PATJ: variants seen among roughly 807,000 people sequenced by gnomAD.
The protein encoded by PATJ is PATJ crumbs cell polarity complex component, also known as inaD-like protein.
In PATJ, 190 loss-of-function variants were observed where a neutral mutation model predicts 224.9. That is an observed-to-expected ratio of 0.84 (90% CI 0.75 to 0.95). PATJ has a LOEUF of 0.95. Among genes scored for constraint, PATJ ranks in the 40% least tolerant of loss-of-function variants. The pLI, the probability that PATJ is intolerant of heterozygous loss-of-function variation, is 0.00. For synonymous variants in PATJ, 769 were observed against 820.3 expected (o/e 0.94, Z 1.07); for missense variants, 2,121 against 2,270.3 (o/e 0.93, Z 1.34).
rs369798537 is a variant in PATJ, at chr1:62,117,199, C to T, written c.4871C>T (p.Thr1624Met). ...LRAGSWTSAR[T>M]TSQNSQGSQQ... Reference sequence around the variant, plus strand: ...GCTGGTTCCTGGACCTCCGCAAGGACGACATCACAGAACAGTCAGGTTGTC... The same window carrying T: ...GCTGGTTCCTGGACCTCCGCAAGGATGACATCACAGAACAGTCAGGTTGTC... Residue 1624 changes from threonine to methionine, a missense_variant, in exon 37 of 44, where the codon ACG becomes ATG. Physicochemically the swap from Thr to Met is moderately conservative, Grantham distance 81. Transcript: ENST00000642238. The T allele has an allele frequency of 4.5e-5, 73 of 1,613,960 alleles. No individual in the cohort carries two copies. The highest frequency in any genetic ancestry group is 5.3e-5 in the Non-Finnish European group (63 of 1,179,988).
intron 41 of PATJ, among the ~76,000 whole-genome samples, chr1:62,141,372 G>A (rs1415763996): frequency 2.6e-5 from 4 of 152,166 alleles, no homozygotes; most frequent in African/African-American, 9.6e-5. Context: ...GCACCACCAC[G>A]GCTGAATGTA....
chr1:61,946,576 T>C (rs905555086), intron 27 of PATJ, among the ~76,000 whole-genome samples: 52 of 152,104 alleles, frequency 3.4e-4, no homozygotes, highest in African/African-American at 1.2e-3. Context: ...CAATAATTAA[T>C]AGCCTACCAA....
At chr1:61,832,587 T>C (rs546219201) in intron 16 of PATJ, among the ~76,000 whole-genome samples, 2 of 152,270 alleles carry the variant, frequency 1.3e-5, no homozygotes, top group African/African-American at 4.8e-5. Flanking sequence ...CACTCAAAGA[T>C]AGGTAATTTT....
intron 27 of PATJ, among the ~76,000 whole-genome samples, chr1:61,983,207 A>G (rs1364130266): frequency 6.6e-6 from 1 of 152,068 alleles, no homozygotes; most frequent in African/African-American, 2.4e-5. Flanking sequence ...CCATCTAACT[A>G]TGAGTCTAAA....
intron 28 of PATJ, among the ~76,000 whole-genome samples, chr1:61,999,280 C>T (rs921291125): frequency 6.6e-6 from 1 of 152,092 alleles, no homozygotes; most frequent in Non-Finnish European, 1.5e-5. Flanking sequence ...CCTTCCTGTC[C>T]TATGGATATT....
chr1:61,972,389 A>G (rs1683105046), intron 27 of PATJ, among the ~76,000 whole-genome samples: 1 of 152,016 alleles, frequency 6.6e-6, no homozygotes, highest in Non-Finnish European at 1.5e-5. Flanking sequence ...TAAACAATTT[A>G]TAATATTGCT....
At position 61,914,636 on chromosome 1, in the gene PATJ, A is replaced by G; in HGVS notation, c.3542A>G (p.Asn1181Ser). Residue 1181 changes from asparagine (N) to serine (S), a missense_variant, in exon 26 of 44, where the codon AAC becomes AGC. Asn to Ser is a conservative substitution (Grantham distance 46, BLOSUM62 1). Coordinates refer to ENST00000642238, the MANE Select transcript of PATJ (RefSeq NM_001350145.3). ...NKANKITGNQ[N>S]QDTQEKKEKR... Reference sequence around the variant, plus strand: ...GCCAACAAAATCACCGGTAACCAGAACCAGGACACCCAAGAAAAGAAAGAA... The same window carrying G: ...GCCAACAAAATCACCGGTAACCAGAGCCAGGACACCCAAGAAAAGAAAGAA... 1 of 1,578,808 alleles carries G rather than the reference A, an allele frequency of 6.3e-7. No individual in the cohort carries two copies. The highest frequency in any genetic ancestry group is 8.7e-7 in the Non-Finnish European group (1 of 1,148,512).
chr1:61,911,512 ATCT>A (rs971801230), intron 25 of PATJ, among the ~76,000 whole-genome samples: 1 of 151,888 alleles, frequency 6.6e-6, no homozygotes, highest in Non-Finnish European at 1.5e-5. Flanking sequence ...CACCTTTTAA[ATCT>A]TCTTACCCTG....
intron 15 of PATJ, 133 bp downstream of exon 15, chr1:61,823,212 C>T (rs552369331): frequency 5.1e-5 from 42 of 815,992 alleles, no homozygotes; most frequent in African/African-American, 2.8e-4. Flanking sequence ...TTGAAAAAAC[C>T]GAACAGCTTA....
intron 33 of PATJ, among the ~76,000 whole-genome samples, chr1:62,101,359 G>A (rs367624398): frequency 6.6e-6 from 1 of 150,476 alleles, no homozygotes; most frequent in East Asian, 2.0e-4. Flanking sequence ...TGCCTCCCAG[G>A]TTCAAGTGAT....
At chr1:62,095,101 G>A (rs1053098227) in intron 33 of PATJ, among the ~76,000 whole-genome samples, 1 of 152,104 alleles carries the variant, frequency 6.6e-6, no homozygotes, top group African/African-American at 2.4e-5. Context: ...AACAACATCA[G>A]CTCGGCAAAC....
At chr1:61,823,965 T>C (rs1657751911) in intron 15 of PATJ, among the ~76,000 whole-genome samples, 1 of 152,158 alleles carries the variant, frequency 6.6e-6, no homozygotes, top group Non-Finnish European at 1.5e-5. Context: ...TGTTTTAAGA[T>C]GTAGTAAGTT....
chr1:62,138,064 C>T (rs1667137648), intron 41 of PATJ, among the ~76,000 whole-genome samples: 1 of 152,158 alleles, frequency 6.6e-6, no homozygotes, highest in African/African-American at 2.4e-5. Flanking sequence ...TCTCCTCCAC[C>T]TCAGGTCGGC....
At chr1:61,874,745 C>T (rs1667126617) in intron 20 of PATJ, among the ~76,000 whole-genome samples, 1 of 152,242 alleles carries the variant, frequency 6.6e-6, no homozygotes, top group African/African-American at 2.4e-5. Flanking sequence ...AAGTTATCAA[C>T]AGCACTTATC....
intron 27 of PATJ, among the ~76,000 whole-genome samples, chr1:61,959,478 A>G (rs1179806209): frequency 7.3e-6 from 1 of 136,556 alleles, no homozygotes. Flanking sequence ...CTCCATTGCC[A>G]GGCTGGAGTG....
chr1:62,154,107 G>A lies in PATJ; in HGVS notation c.5502+626G>A, dbSNP rs143641030. On this transcript the variant is annotated intron_variant, in intron 43 of 43. Coordinates refer to ENST00000642238, the MANE Select transcript of PATJ (RefSeq NM_001350145.3). The stretch of plus-strand genomic sequence containing the variant: ...GACGGGGTTTCGCCATGTTGCCCAG[G>A]CTGGTCTCAAACTACTGAGCTCAGG... 8.2e-3 allele frequency among the ~76,000 whole-genome samples: 1,241 copies of A among 152,160 alleles called. 3 individuals carry two copies. Among genetic ancestry groups the A allele is most frequent in the Non-Finnish European group, 0.013 (887 of 67,988 alleles).
intron 27 of PATJ, among the ~76,000 whole-genome samples, chr1:61,930,422 C>G (rs911790624): frequency 6.6e-6 from 1 of 152,074 alleles, no homozygotes; most frequent in Non-Finnish European, 1.5e-5. Context: ...GATTCTTGTC[C>G]GAAGACTAAG....
intron 1 of PATJ, among the ~76,000 whole-genome samples, chr1:61,761,281 A>G (rs888608902): frequency 5.3e-5 from 8 of 152,040 alleles, no homozygotes; most frequent in Non-Finnish European, 8.8e-5. Context: ...GCCTGGTTCA[A>G]TAAATTTTGA....
intron 10 of PATJ, among the ~76,000 whole-genome samples, chr1:61,796,328 C>T (rs565303211): frequency 2.0e-5 from 3 of 152,312 alleles, no homozygotes; most frequent in Non-Finnish European, 4.4e-5. Context: ...CTTGCTCACA[C>T]TTTTTCAGAA....
Sources: allele counts gnomAD v4.1 joint callset (sites outside exome capture counted in the v4.1 genomes callset), GRCh38; gene constraint gnomAD v4.1.1; transcripts MANE v1.5; gene names NCBI Gene and HGNC (gene_info 2026-07-23, HGNC 2026-07-21).